Variants in CCDC102B observed in about 807,000 individuals in gnomAD.
CCDC102B encodes the protein coiled-coil domain containing 102B, also known as coiled-coil domain-containing protein 102B.
Under a neutral mutation model 57.4 loss-of-function variants are expected in CCDC102B, and 75 were observed. That is an observed-to-expected ratio of 1.31 (90% CI 1.08 to 1.58). CCDC102B has a LOEUF of 1.58. Ranked by LOEUF, CCDC102B falls within the 40% of genes most tolerant of loss-of-function variation. CCDC102B has a pLI of 0.00. For synonymous variants in CCDC102B, 206 were observed against 201.9 expected (o/e 1.02, Z -0.17); for missense variants, 636 against 582.6 (o/e 1.09, Z -0.94).
intron 2 of CCDC102B, among the ~76,000 whole-genome samples, chr18:68,768,985 G>T (rs562467923): frequency 1.3e-5 from 2 of 152,218 alleles, no homozygotes; most frequent in East Asian, 1.9e-4. Context: ...TGAATTCGGT[G>T]GTTCACGCCT....
At chr18:68,771,906 AC>A (rs2034652548) in intron 2 of CCDC102B, among the ~76,000 whole-genome samples, 1 of 151,758 alleles carries the variant, frequency 6.6e-6, no homozygotes, top group Admixed American at 6.6e-5. Context: ...ACACACACAC[AC>A]ATCTTCTGGA....
chr18:68,974,175 C>G (rs1040890055), intron 6 of CCDC102B, among the ~76,000 whole-genome samples: 1 of 152,006 alleles, frequency 6.6e-6, no homozygotes, highest in Non-Finnish European at 1.5e-5. Flanking sequence ...CTTATGGGAG[C>G]TATTCAGGTC....
At chr18:68,884,550 G>T (rs990689251) in intron 5 of CCDC102B, among the ~76,000 whole-genome samples, 1 of 150,618 alleles carries the variant, frequency 6.6e-6, no homozygotes, top group Admixed American at 6.7e-5. Flanking sequence ...TAGGTCAGAG[G>T]CTACAAGGCA....
At chr18:68,868,827 A>G (rs1339650109) in intron 4 of CCDC102B, among the ~76,000 whole-genome samples, 1 of 152,156 alleles carries the variant, frequency 6.6e-6, no homozygotes, top group Non-Finnish European at 1.5e-5. Flanking sequence ...TGAAGAAGAG[A>G]TTTGGGGGGT....
chr18:68,837,116 A>C lies in CCDC102B; in HGVS notation c.353A>C (p.Glu118Ala). 6.2e-7 allele frequency: 1 copy of C among 1,614,130 alleles called. No homozygotes were observed. The highest frequency in any genetic ancestry group is 8.5e-7 in the Non-Finnish European group (1 of 1,180,016). ...CGAGCTGAAAGGAACAGTGCCAGGG[A>C]GGAAGGAAGACAACTCAGAATAAAA... is the stretch of plus-strand genomic sequence containing the variant. ...KVRAERNSAR[E>A]EGRQLRIKLE... Residue 118 changes from glutamate to alanine, a missense_variant, in exon 2 of 8, where the codon GAG becomes GCG. Physicochemically the swap from Glu to Ala is moderately radical, Grantham distance 107. Transcript: ENST00000360242.
intron 6 of CCDC102B, among the ~76,000 whole-genome samples, chr18:68,901,480 G>A (rs866186880): frequency 6.6e-6 from 1 of 152,104 alleles, no homozygotes; most frequent in East Asian, 1.9e-4. Context: ...TACATGGACA[G>A]AAGGGGGGCC....
intron 1 of CCDC102B, among the ~76,000 whole-genome samples, chr18:68,818,790 C>G (rs2036588067): frequency 6.6e-6 from 1 of 152,018 alleles, no homozygotes; most frequent in Non-Finnish European, 1.5e-5. Context: ...CAATTTTGAG[C>G]AATTAGGAAT....
At chr18:68,780,199 T>C (rs535364799) in intron 2 of CCDC102B, among the ~76,000 whole-genome samples, 1 of 152,270 alleles carries the variant, frequency 6.6e-6, no homozygotes, top group Admixed American at 6.5e-5. Context: ...AGTACTTTAT[T>C]GCTTTTTATT....
At chr18:68,737,306 A>AT (rs1157477138) in intron 2 of CCDC102B, among the ~76,000 whole-genome samples, 6 of 151,684 alleles carry the variant, frequency 4.0e-5, no homozygotes, top group Admixed American at 2.0e-4. Flanking sequence ...CCAGGATTAC[A>AT]TTTTTTTTCT....
At chr18:68,978,885 G>A (rs1372294897) in intron 6 of CCDC102B, among the ~76,000 whole-genome samples, 2 of 152,050 alleles carry the variant, frequency 1.3e-5, no homozygotes, top group African/African-American at 4.8e-5. Flanking sequence ...GTCTAGGATG[G>A]AAAGCTATAG....
intron 6 of CCDC102B, among the ~76,000 whole-genome samples, chr18:68,941,492 T>C (rs1325151260): frequency 1.3e-5 from 2 of 152,128 alleles, no homozygotes; most frequent in Admixed American, 6.6e-5. Context: ...ATGTACTTGC[T>C]AGATATGAAG....
At chr18:68,940,729 T>A (rs983660054) in intron 6 of CCDC102B, among the ~76,000 whole-genome samples, 9 of 151,944 alleles carry the variant, frequency 5.9e-5, no homozygotes, top group African/African-American at 2.2e-4. Flanking sequence ...TGGCTATATA[T>A]ATAATTCATA....
chr18:68,929,042 T>C (rs921585830), intron 6 of CCDC102B, among the ~76,000 whole-genome samples: 12 of 151,906 alleles, frequency 7.9e-5, no homozygotes, highest in African/African-American at 2.9e-4. Context: ...CAATGAGCTA[T>C]TGAGGATTTT....
chr18:68,937,299 G>A (rs1257734573), intron 6 of CCDC102B, among the ~76,000 whole-genome samples: 4 of 152,064 alleles, frequency 2.6e-5, no homozygotes, highest in South Asian at 4.1e-4. Context: ...TGTCAAAAAC[G>A]TGGCACCAGA....
At chr18:68,999,501 G>A in intron 6 of CCDC102B, among the ~76,000 whole-genome samples, 1 of 151,512 alleles carries the variant, frequency 6.6e-6, no homozygotes. Flanking sequence ...AGCTACTCGA[G>A]AGGCTGAGTT....
At chr18:68,792,728 G>A (rs1161585774) in intron 2 of CCDC102B, among the ~76,000 whole-genome samples, 1 of 152,132 alleles carries the variant, frequency 6.6e-6, no homozygotes, top group Non-Finnish European at 1.5e-5. Flanking sequence ...CTTGAACTCA[G>A]GCCTGTCTGA....
intron 6 of CCDC102B, among the ~76,000 whole-genome samples, chr18:68,991,101 G>T (rs2050853208): frequency 7.1e-6 from 1 of 140,376 alleles, no homozygotes. Context: ...CTTCCCTGTT[G>T]TCACCTATAT....
intron 2 of CCDC102B, among the ~76,000 whole-genome samples, chr18:68,759,100 A>G (rs1042510821): frequency 1.2e-4 from 18 of 152,082 alleles, no homozygotes; most frequent in Non-Finnish European, 2.4e-4. Flanking sequence ...CTATGAAAGC[A>G]CTATAAAAAG....
upstream of CCDC102B, among the ~76,000 whole-genome samples, chr18:68,793,575 A>G (rs949742315): frequency 2.7e-5 from 4 of 150,382 alleles, no homozygotes; most frequent in East Asian, 7.7e-4. Context: ...TATTTTCTTC[A>G]GTATGTTCAT....
Sources: gnomAD v4.1 joint callset for allele counts (sites outside exome capture counted in the v4.1 genomes callset) on GRCh38, gnomAD v4.1.1 for gene constraint, MANE v1.5 for transcripts, NCBI Gene and HGNC (gene_info 2026-07-23, HGNC 2026-07-21) for gene names.